Variants in SORL1 observed in about 807,000 individuals in gnomAD.
SORL1 encodes the protein sortilin related receptor 1, also known as sortilin-related receptor.
In SORL1, 127 loss-of-function variants were observed where a neutral mutation model predicts 273.7. That is an observed-to-expected ratio of 0.46 (90% CI 0.40 to 0.54). The LOEUF is 0.54. Among genes scored for constraint, SORL1 ranks in the 20% least tolerant of loss-of-function variants. The pLI is 0.00. For missense variants in SORL1, 2,494 were observed against 2,846.1 expected (o/e 0.88, Z 2.81); for synonymous variants, 1,031 against 1,067.4 (o/e 0.97, Z 0.66).
chr11:121,624,968 G>A lies in SORL1; in HGVS notation c.6172-117G>A, dbSNP rs150373371. ...TAAAAAGAACAAGGAGAAACCCAGG[G>A]CGCTTTCGCGTCTGTAGCAGCCCAC... On this transcript the variant is annotated intron_variant, in intron 45 of 47. Transcript: ENST00000260197. The A allele has an allele frequency of 1.1e-3, 756 of 672,216 alleles. 6 individuals are homozygous for A. In the African/African-American group the frequency reaches 0.013, roughly 11 times the overall value. 41.6% of individuals were successfully genotyped at this position (672,216 alleles called of 1,614,324 possible). A position where few individuals can be genotyped will look rare whatever the true frequency, so the allele number is the denominator to read the frequency against.
chr11:121,628,103 C>A (rs1863825003), intron 47 of SORL1, among the ~76,000 whole-genome samples: 1 of 152,208 alleles, frequency 6.6e-6, no homozygotes, highest in Non-Finnish European at 1.5e-5. Context: ...TCTGACATCT[C>A]TGGAGATCCT....
rs750283646 is a variant in SORL1 at position 121,567,047 on chromosome 11, T to G, written c.3157T>G (p.Ser1053Ala). ...PEDVSSSVLP[S>A]GDLMCDCPQG... ...GGATGTGTCCAGCAGTGTGCTTCCATCAGGGGACCTGATGTGTGACTGCCC... is the reference window on the plus strand; with the variant it reads ...GGATGTGTCCAGCAGTGTGCTTCCAGCAGGGGACCTGATGTGTGACTGCCC... The change falls in exon 22 of 48, where the codon TCA becomes GCA. Residue 1053 changes from serine (S) to alanine (A), a missense_variant. Transcript: ENST00000260197. 5 of 1,614,198 alleles carry G rather than the reference T, an allele frequency of 3.1e-6. No homozygotes were observed. In the Admixed American group the frequency reaches 6.7e-5, roughly 22 times the overall value.
chr11:121,538,634 ATTT>A (rs949105705), intron 12 of SORL1, among the ~76,000 whole-genome samples: 1 of 151,690 alleles, frequency 6.6e-6, no homozygotes, highest in African/African-American at 2.4e-5. Context: ...GTGGAGCTTT[ATTT>A]TTATTTTTGC....
rs1175532384 is a variant in SORL1 at position 121,606,918 on chromosome 11, T to C, written c.5022T>C (p.Ala1674=). ...EAEGVIVGHW[A]PPIHTHGLIR... is the part of the protein sequence containing the mutation. ...AAGGTGTGATTGTAGGCCACTGGGC[T>C]CCTCCCATCCACACCCATGGCCTCA... is the stretch of plus-strand genomic sequence containing the variant. The change falls in exon 36 of 48, where the codon GCT becomes GCC. Residue 1674 remains alanine (A), a synonymous_variant. Transcript: ENST00000260197. The C allele has an allele frequency of 6.2e-7, 1 of 1,613,936 alleles. No homozygotes were observed. The highest frequency in any genetic ancestry group is 8.5e-7 in the Non-Finnish European group (1 of 1,179,952).
At chr11:121,569,287 A>G (rs1483010914) in intron 22 of SORL1, among the ~76,000 whole-genome samples, 1 of 152,228 alleles carries the variant, frequency 6.6e-6, no homozygotes, top group Non-Finnish European at 1.5e-5. Flanking sequence ...GTGTTTGAAC[A>G]ATATGAAATC....
chr11:121,461,298 G>C (rs1860996829), intron 1 of SORL1, among the ~76,000 whole-genome samples: 1 of 152,080 alleles, frequency 6.6e-6, no homozygotes, highest in Admixed American at 6.5e-5. Flanking sequence ...CAGAAACAAG[G>C]CCTTCAATCT....
At chr11:121,470,344 C>T (rs1183833074) in intron 2 of SORL1, among the ~76,000 whole-genome samples, 1 of 152,178 alleles carries the variant, frequency 6.6e-6, no homozygotes, top group Admixed American at 6.5e-5. Context: ...GTGTGATTAC[C>T]TTTGGGAAGT....
At chr11:121,545,993 G>A (rs1365560812) in intron 14 of SORL1, among the ~76,000 whole-genome samples, 1 of 152,234 alleles carries the variant, frequency 6.6e-6, no homozygotes, top group Non-Finnish European at 1.5e-5. Context: ...TTGAAAGGAA[G>A]GAGAGGGCTG....
In SORL1 at chr11:121,621,071, C is replaced by A; in HGVS notation, c.5897C>A (p.Ala1966Glu). 6.2e-7 allele frequency: 1 copy of A among 1,606,640 alleles called. No homozygotes were observed. Among genetic ancestry groups the A allele is most frequent in the East Asian group, 2.2e-5 (1 of 44,770 alleles). Residue 1966 changes from alanine (A) to glutamate (E), a missense_variant, in exon 44 of 48, where the codon GCA becomes GAA. This residue lies in a region of SORL1 where 1,609 missense variants were observed against 1,816.4 expected (regional missense o/e 0.89). Coordinates refer to ENST00000260197, the MANE Select transcript of SORL1 (RefSeq NM_003105.6). ...GTTCTTTTTTGGTCCTAGTTGTATGCAGTTGCAGTCAAAGATCTCATAAGA... is the reference window on the plus strand; with the variant it reads ...GTTCTTTTTTGGTCCTAGTTGTATGAAGTTGCAGTCAAAGATCTCATAAGA... ...YDSPDQDLLY[A>E]VAVKDLIRKT...
At chr11:121,512,448 G>A (rs529687668) in intron 6 of SORL1, among the ~76,000 whole-genome samples, 1 of 152,338 alleles carries the variant, frequency 6.6e-6, no homozygotes, top group East Asian at 1.9e-4. Context: ...TCTAGCAAAA[G>A]ACCTTCCTCA....
At chr11:121,561,104 G>A (rs1862665496) in intron 21 of SORL1, among the ~76,000 whole-genome samples, 1 of 152,176 alleles carries the variant, frequency 6.6e-6, no homozygotes, top group African/African-American at 2.4e-5. Flanking sequence ...TTCTCCAAGT[G>A]GATTTTTAGC....
In SORL1 at chr11:121,550,575, G is replaced by A; in HGVS notation, c.2181-10G>A. 6.2e-7 allele frequency: 1 copy of A among 1,613,546 alleles called. No homozygotes were observed. Among genetic ancestry groups the A allele is most frequent in the Non-Finnish European group, 8.5e-7 (1 of 1,179,498 alleles). On this transcript the variant is annotated splice_polypyrimidine_tract_variant and intron_variant, in intron 15 of 47. Transcript: ENST00000260197. This position sits in a 1 kb window ranked among gnomAD's most constrained non-coding sequence, Gnocchi z 5.3. Reference sequence around the variant, plus strand: ...GTTTCTGACCTCTTGCTCTTGGGGTGGGGTGACAGCTACCGGAAGATTTCT... The same window carrying A: ...GTTTCTGACCTCTTGCTCTTGGGGTAGGGTGACAGCTACCGGAAGATTTCT...
Position 121,577,288 on chromosome 11 carries a change from C to T in SORL1, c.3468C>T (p.His1156=), listed in dbSNP as rs765365435. ...DNSDESHCEM[H]QCRSDEYNCS... ...TTATGGTCTCACCTGCAGAAATGCA[C>T]CAGTGCCGGAGTGACGAGTACAACT... Residue 1156 remains histidine, a synonymous_variant, in exon 25 of 48, where the codon CAC becomes CAT. Coordinates refer to ENST00000260197, the MANE Select transcript of SORL1 (RefSeq NM_003105.6). The T allele has an allele frequency of 2.3e-5, 37 of 1,592,196 alleles. No homozygotes were observed. The highest frequency in any genetic ancestry group is 3.1e-5 in the Non-Finnish European group (36 of 1,171,176).
intron 2 of SORL1, among the ~76,000 whole-genome samples, chr11:121,471,691 G>T (rs1861171059): frequency 6.6e-6 from 1 of 152,168 alleles, no homozygotes; most frequent in Non-Finnish European, 1.5e-5. Context: ...CCACTGTCTG[G>T]GTTGGGTGTG....
chr11:121,536,373 C>T (rs541007994), intron 12 of SORL1, among the ~76,000 whole-genome samples: 1 of 151,916 alleles, frequency 6.6e-6, no homozygotes, highest in East Asian at 1.9e-4. Flanking sequence ...TATCCTAACC[C>T]CTGTGGTTTT....
At position 121,622,244 on chromosome 11, in the gene SORL1, G is replaced by A. The variant is rs1313655031; in HGVS notation, c.6147G>A (p.Lys2049=). 1.9e-6 allele frequency: 3 copies of A among 1,609,194 alleles called. No individual in the cohort carries two copies. The East Asian group carries it at 6.7e-5, about 36-fold the overall frequency. ...VLLFWKSLAL[K]EKHFNESRGY... is the part of the protein sequence containing the mutation. The stretch of plus-strand genomic sequence containing the variant: ...TGTTTTGGAAAAGCCTGGCTTTAAA[G>A]GAAAAGCATTTTAATGAAAGCAGGG... Residue 2049 remains lysine (K), a synonymous_variant, in exon 45 of 48, where the codon AAG becomes AAA. Transcript: ENST00000260197.
rs1055057393 is a variant in SORL1 at position 121,625,427 on chromosome 11, G to A, written c.6364+150G>A. ...ATTTATATATCAGTTTGGTCAGGTAGTGATGTATTTAACAAATACTTCCTG... is the reference window on the plus strand; with the variant it reads ...ATTTATATATCAGTTTGGTCAGGTAATGATGTATTTAACAAATACTTCCTG... On this transcript the variant is annotated intron_variant, in intron 46 of 47. Coordinates refer to ENST00000260197, the MANE Select transcript of SORL1 (RefSeq NM_003105.6). 130 of 655,608 alleles carry A rather than the reference G, an allele frequency of 2.0e-4. 2 individuals are homozygous for A. In the South Asian group the frequency reaches 2.1e-3, roughly 11 times the overall value. The allele number at this position is 655,608 out of a possible 1,614,324, so 40.6% of individuals were successfully genotyped here.
intron 8 of SORL1, among the ~76,000 whole-genome samples, chr11:121,519,667 G>A (rs1862009737): frequency 6.6e-6 from 1 of 152,176 alleles, no homozygotes; most frequent in Non-Finnish European, 1.5e-5. Context: ...GGATAATTAG[G>A]TTGTAAGTAC....
chr11:121,589,222 A>G (rs371083972), intron 28 of SORL1, 37 bp from the exon 29 acceptor site: 20 of 1,609,894 alleles, frequency 1.2e-5, no homozygotes, highest in Non-Finnish European at 1.7e-5. Flanking sequence ...TCAGCATGGA[A>G]GTTCCTGGAC....
Sources: allele counts gnomAD v4.1 joint callset (sites outside exome capture counted in the v4.1 genomes callset), GRCh38; gene constraint gnomAD v4.1.1; regional missense constraint gnomAD v4.1.1; non-coding constraint Gnocchi (gnomAD v3.1); transcripts MANE v1.5; gene names NCBI Gene and HGNC (gene_info 2026-07-23, HGNC 2026-07-21).